Variants in TUSC3 observed in about 807,000 individuals in gnomAD.
The protein encoded by TUSC3 is tumor suppressor candidate 3.
A neutral mutation model predicts 44.8 loss-of-function variants in TUSC3; 45 were observed. The ratio of observed to expected loss-of-function variants is 1.00; its 90% CI spans 0.79 to 1.29. The LOEUF is 1.29. Ranked by LOEUF, TUSC3 falls within the 50% of genes most tolerant of loss-of-function variation. TUSC3 has a pLI of 0.00. For missense variants in TUSC3, 519 were observed against 437.9 expected, an observed-to-expected ratio of 1.19 and a Z score of -1.65; for synonymous variants, 212 against 152.9, an observed-to-expected ratio of 1.39 and a Z score of -2.85.
At chr8:15,761,726 C>T (rs1327956783) in intron 10 of TUSC3, among the ~76,000 whole-genome samples, 2 of 151,930 alleles carry the variant, frequency 1.3e-5, no homozygotes. Flanking sequence ...GGAAGCAGAC[C>T]GCAAAAGTGA....
chr8:15,425,504 A>T (rs1252366459), intron 1 of TUSC3, among the ~76,000 whole-genome samples: 1 of 152,216 alleles, frequency 6.6e-6, no homozygotes, highest in Non-Finnish European at 1.5e-5. Flanking sequence ...AGAAGGCAAG[A>T]GAGATGGTTT....
chr8:15,827,242 C>A, the TUSC3 span, among the ~76,000 whole-genome samples: 1 of 152,188 alleles, frequency 6.6e-6, no homozygotes, highest in African/African-American at 2.4e-5. Context: ...TTAGGGAGCA[C>A]TAACATTATT....
intron 1 of TUSC3, among the ~76,000 whole-genome samples, chr8:15,441,082 C>T (rs1479477517): frequency 6.6e-6 from 1 of 152,144 alleles, no homozygotes; most frequent in East Asian, 1.9e-4. Flanking sequence ...TAAAACTGCC[C>T]TAATAATTAA....
chr8:15,523,702 G>GTATATATATATATA (rs1563273682), intron 2 of TUSC3, among the ~76,000 whole-genome samples: 6 of 112,036 alleles, frequency 5.4e-5, no homozygotes, highest in African/African-American at 2.4e-4. Flanking sequence ...GTGTGTGTGT[G>GTATATATATATATA]TGTGTGTATA....
At chr8:15,839,642 G>A in the TUSC3 span, among the ~76,000 whole-genome samples, 1 of 152,134 alleles carries the variant, frequency 6.6e-6, no homozygotes, top group Admixed American at 6.5e-5. Context: ...ATCATCACTG[G>A]CCATCAGAGA....
intron 1 of TUSC3, among the ~76,000 whole-genome samples, chr8:15,589,218 G>T (rs191377808): frequency 6.6e-6 from 1 of 152,104 alleles, no homozygotes; most frequent in Non-Finnish European, 1.5e-5. Flanking sequence ...GGTGACACAA[G>T]TTTTTTGTAG....
At chr8:15,844,698 T>C in the TUSC3 span, among the ~76,000 whole-genome samples, 1 of 152,214 alleles carries the variant, frequency 6.6e-6, no homozygotes, top group South Asian at 2.1e-4. Flanking sequence ...ACAGTCATTC[T>C]TTAAATCTCT....
the TUSC3 span, among the ~76,000 whole-genome samples, chr8:15,833,249 A>T: frequency 4.6e-5 from 7 of 152,312 alleles, no homozygotes; most frequent in East Asian, 1.4e-3. Flanking sequence ...GAACATTTAT[A>T]CGCTGTTGAT....
chr8:15,836,211 C>CAT, the TUSC3 span, among the ~76,000 whole-genome samples: 1 of 151,844 alleles, frequency 6.6e-6, no homozygotes, highest in Non-Finnish European at 1.5e-5. Context: ...CATGGTAGTA[C>CAT]ATGCCTGTAA....
intron 1 of TUSC3, among the ~76,000 whole-genome samples, chr8:15,595,710 T>G (rs901191784): frequency 3.9e-5 from 6 of 152,210 alleles, no homozygotes; most frequent in Non-Finnish European, 8.8e-5. Flanking sequence ...GGAAGTCATT[T>G]TTAAGCCTAG....
At chr8:15,849,078 A>T in the TUSC3 span, among the ~76,000 whole-genome samples, 1 of 152,298 alleles carries the variant, frequency 6.6e-6, no homozygotes, top group South Asian at 2.1e-4. Flanking sequence ...ATGACTAAGA[A>T]CTTTTCAGAT....
chr8:15,471,807 A>G (rs1235443565), intron 1 of TUSC3, among the ~76,000 whole-genome samples: 1 of 152,004 alleles, frequency 6.6e-6, no homozygotes, highest in Non-Finnish European at 1.5e-5. Context: ...AAGTAGAGAC[A>G]GGGTTTTGCC....
chr8:15,652,315 T>G (rs1296346473), intron 3 of TUSC3, among the ~76,000 whole-genome samples: 1 of 152,186 alleles, frequency 6.6e-6, no homozygotes, highest in East Asian at 1.9e-4. Flanking sequence ...TTTTTACTTA[T>G]TTGCATCCAG....
chr8:15,771,334 A>G (rs1812436233), downstream of TUSC3, among the ~76,000 whole-genome samples: 1 of 152,214 alleles, frequency 6.6e-6, no homozygotes, highest in Non-Finnish European at 1.5e-5. Flanking sequence ...TGCAAAAATA[A>G]GAAAGCTGAT....
chr8:15,829,529 T>C, the TUSC3 span, among the ~76,000 whole-genome samples: 13 of 151,000 alleles, frequency 8.6e-5, no homozygotes, highest in Admixed American at 6.6e-5. Flanking sequence ...GAGTCCTTTG[T>C]GATATAAGTT....
the TUSC3 span, among the ~76,000 whole-genome samples, chr8:15,776,380 A>G: frequency 7.9e-5 from 12 of 152,208 alleles, no homozygotes; most frequent in African/African-American, 2.9e-4. Flanking sequence ...CTTACCATTC[A>G]TCTTGGGAGA....
In TUSC3 at chr8:15,540,535, C is replaced by T. The variant is rs374835090; in HGVS notation, c.105C>T (p.Cys35=). ...FPFLLLLLLL[C]IQLGGGQKKK... Reference sequence around the variant, plus strand: ...TCCTTCTCCTGCTGCTGCTGCTCTGCATCCAGCTCGGGGGAGGACAGAAGA... The same window carrying T: ...TCCTTCTCCTGCTGCTGCTGCTCTGTATCCAGCTCGGGGGAGGACAGAAGA... Residue 35 remains cysteine, a synonymous_variant, in exon 1 of 11, where the codon TGC becomes TGT. Coordinates refer to ENST00000503731, the MANE Select transcript of TUSC3 (RefSeq NM_006765.4). 1.4e-5 allele frequency: 23 copies of T among 1,603,232 alleles called. No homozygotes were observed. Among genetic ancestry groups the T allele is most frequent in the Middle Eastern group, 1.7e-4 (1 of 6,050 alleles).
At chr8:15,573,379 G>C (rs1802966095) in intron 1 of TUSC3, among the ~76,000 whole-genome samples, 1 of 151,840 alleles carries the variant, frequency 6.6e-6, no homozygotes, top group South Asian at 2.1e-4. Context: ...GTGTCAGGCA[G>C]TTAAGCTGTT....
intron 1 of TUSC3, among the ~76,000 whole-genome samples, chr8:15,606,314 A>C (rs1804525262): frequency 6.6e-6 from 1 of 152,046 alleles, no homozygotes; most frequent in African/African-American, 2.4e-5. Context: ...CATTTTCTTT[A>C]GCTCACTTTA....
Sources: gnomAD v4.1 joint callset for allele counts (sites outside exome capture counted in the v4.1 genomes callset) on GRCh38, gnomAD v4.1.1 for gene constraint, MANE v1.5 for transcripts, NCBI Gene and HGNC (gene_info 2026-07-23, HGNC 2026-07-21) for gene names.